Variants in ROBO2 observed in about 807,000 individuals in gnomAD.
ROBO2 encodes the protein roundabout guidance receptor 2, also known as roundabout homolog 2.
In ROBO2, 53 loss-of-function variants were observed where a neutral mutation model predicts 160.8. The ratio of observed to expected loss-of-function variants is 0.33; its 90% CI spans 0.26 to 0.41. ROBO2 has a LOEUF of 0.41. Among genes scored for constraint, ROBO2 ranks in the 10% least tolerant of loss-of-function variants. The pLI is 1.00. For missense variants in ROBO2, 1,577 were observed against 1,722.4 expected, an observed-to-expected ratio of 0.92 and a Z score of 1.49; for synonymous variants, 664 against 611.7, an observed-to-expected ratio of 1.09 and a Z score of -1.26.
intron 2 of ROBO2, among the ~76,000 whole-genome samples, chr3:76,974,535 A>G (rs957058289): frequency 2.6e-5 from 4 of 152,148 alleles, no homozygotes; most frequent in South Asian, 2.1e-4. Flanking sequence ...AAGGACTGCA[A>G]CCCAGGTGTT....
At chr3:76,806,902 G>A (rs1244172840) in intron 2 of ROBO2, among the ~76,000 whole-genome samples, 1 of 151,968 alleles carries the variant, frequency 6.6e-6, no homozygotes, top group Non-Finnish European at 1.5e-5. Flanking sequence ...CTCAGATTAT[G>A]AGCTGCACAA....
At position 76,239,360 on chromosome 3, in the gene ROBO2, GTATA is replaced by G. The variant is rs4054003; in HGVS notation, c.109+301768_109+301771del. 2.0e-5 allele frequency among the ~76,000 whole-genome samples: 3 copies of G among 150,146 alleles called. No individual in the cohort carries two copies. The East Asian group carries it at 5.9e-4, about 29-fold the overall frequency. On this transcript the variant is annotated intron_variant, in intron 2 of 26. Coordinates refer to the ROBO2 transcript ENST00000487694. ...TTTATGTAGTATAGAATACGTATAT[GTATA>G]TATATATATGTACATATATAGTATG...
intron 2 of ROBO2, among the ~76,000 whole-genome samples, chr3:76,326,067 AT>A (rs2072990715): frequency 1.3e-5 from 2 of 152,142 alleles, no homozygotes; most frequent in South Asian, 4.1e-4. Context: ...TTGGTGATTA[AT>A]TTTTGATGAT....
At chr3:75,978,884 G>A (rs148276943) in intron 2 of ROBO2, among the ~76,000 whole-genome samples, 85 of 151,650 alleles carry the variant, frequency 5.6e-4, no homozygotes, top group African/African-American at 2.0e-3. Context: ...CATGTAGGAT[G>A]GGGCATGAGT....
At chr3:76,814,777 A>G (rs920879418) in intron 2 of ROBO2, among the ~76,000 whole-genome samples, 3 of 152,092 alleles carry the variant, frequency 2.0e-5, no homozygotes, top group African/African-American at 7.2e-5. Flanking sequence ...TTTATTTTAC[A>G]TTATGCCAAA....
chr3:77,377,299 C>G (rs933717318), intron 2 of ROBO2, among the ~76,000 whole-genome samples: 1 of 152,134 alleles, frequency 6.6e-6, no homozygotes, highest in Non-Finnish European at 1.5e-5. Flanking sequence ...CCAATGGCAA[C>G]TGATGTTGTA....
chr3:76,792,063 G>A (rs2063385998), intron 2 of ROBO2, among the ~76,000 whole-genome samples: 1 of 151,820 alleles, frequency 6.6e-6, no homozygotes, highest in South Asian at 2.1e-4. Context: ...GGAACTAGGA[G>A]ACAATGTTGA....
chr3:77,568,053 G>A (rs1034609017), intron 12 of ROBO2, among the ~76,000 whole-genome samples: 2 of 151,986 alleles, frequency 1.3e-5, no homozygotes, highest in African/African-American at 4.8e-5. Flanking sequence ...ACAACAGTGT[G>A]TCTGCATTTG....
intron 2 of ROBO2, among the ~76,000 whole-genome samples, chr3:76,497,271 C>CA: frequency 6.6e-6 from 1 of 152,286 alleles, no homozygotes; most frequent in Non-Finnish European, 1.5e-5. Context: ...TCTTGGCTCA[C>CA]CACAGCCTCA....
chr3:76,768,217 A>G (rs1463925336), intron 2 of ROBO2, among the ~76,000 whole-genome samples: 2 of 151,458 alleles, frequency 1.3e-5, no homozygotes, highest in Non-Finnish European at 3.0e-5. Flanking sequence ...TTTATTGTGA[A>G]GCCCTCAGAG....
intron 1 of ROBO2, among the ~76,000 whole-genome samples, chr3:75,924,968 G>A (rs1947228419): frequency 3.3e-5 from 5 of 151,924 alleles, no homozygotes; most frequent in African/African-American, 9.7e-5. Context: ...GATTACAGGC[G>A]TGAGCCACCG....
At chr3:76,194,902 G>A (rs1336506683) in intron 2 of ROBO2, among the ~76,000 whole-genome samples, 1 of 152,190 alleles carries the variant, frequency 6.6e-6, no homozygotes, top group Non-Finnish European at 1.5e-5. Flanking sequence ...CCAGGTGTGA[G>A]CCATTGCGCC....
intron 2 of ROBO2, among the ~76,000 whole-genome samples, chr3:76,447,227 T>C (rs1465379500): frequency 1.3e-5 from 2 of 151,880 alleles, no homozygotes; most frequent in Non-Finnish European, 2.9e-5. Context: ...AAAAAGCGGG[T>C]GAAGGATATG....
At chr3:76,234,648 G>C (rs533903370) in intron 2 of ROBO2, among the ~76,000 whole-genome samples, 4 of 151,990 alleles carry the variant, frequency 2.6e-5, no homozygotes, top group African/African-American at 9.7e-5. Context: ...ACATGTTTTC[G>C]TATGCTTGTC....
At chr3:77,369,768 C>CCAAATGGT (rs1164171711) in intron 2 of ROBO2, among the ~76,000 whole-genome samples, 1 of 152,102 alleles carries the variant, frequency 6.6e-6, no homozygotes, top group Non-Finnish European at 1.5e-5. Flanking sequence ...ATGAAATTGT[C>CCAAATGGT]CAAATGGTGT....
rs138649924 is a variant in ROBO2, at chr3:76,337,573, T to C, written c.109+399971T>C. Among the ~76,000 whole-genome samples, 663 of 152,162 alleles carry C rather than the reference T, an allele frequency of 4.4e-3. 6 individuals carry two copies. The highest frequency in any genetic ancestry group is 0.015 in the African/African-American group (620 of 41,520). On this transcript the variant is annotated intron_variant, in intron 2 of 26. Transcript: ENST00000487694. ...GAACTAGGAAAAGCCTCAACACATATCACTTACCTAGTAAGTCATAGCCAT... is the reference window on the plus strand; with the variant it reads ...GAACTAGGAAAAGCCTCAACACATACCACTTACCTAGTAAGTCATAGCCAT...
intron 2 of ROBO2, among the ~76,000 whole-genome samples, chr3:76,460,229 G>C (rs767326528): frequency 1.3e-5 from 2 of 150,924 alleles, no homozygotes; most frequent in Admixed American, 6.6e-5. Context: ...CCAAAACTTA[G>C]CAGAAAAAAA....
intron 2 of ROBO2, among the ~76,000 whole-genome samples, chr3:76,845,961 C>A (rs945707812): frequency 5.3e-5 from 8 of 152,030 alleles, no homozygotes; most frequent in African/African-American, 1.9e-4. Flanking sequence ...GGTCTGGAAC[C>A]AACCACTGTG....
At chr3:76,973,730 C>G (rs1324353282) in intron 2 of ROBO2, among the ~76,000 whole-genome samples, 2 of 152,072 alleles carry the variant, frequency 1.3e-5, no homozygotes, top group African/African-American at 4.8e-5. Context: ...TAAGCTCTGA[C>G]TATGTATGAG....
Sources: gnomAD v4.1 joint callset for allele counts (sites outside exome capture counted in the v4.1 genomes callset) on GRCh38, gnomAD v4.1.1 for gene constraint, MANE v1.5 for transcripts, NCBI Gene and HGNC (gene_info 2026-07-23, HGNC 2026-07-21) for gene names.